The following CCDC102B variants were observed in gnomAD, a reference collection of about 807,000 sequenced individuals.
CCDC102B encodes coiled-coil domain containing 102B.
CCDC102B carries 75 observed loss-of-function variants against 57.4 expected under a neutral mutation model. That is an observed-to-expected ratio of 1.31 (90% CI 1.08 to 1.58). CCDC102B has a LOEUF of 1.58. Among genes scored for constraint, CCDC102B ranks in the 40% most tolerant of loss-of-function variants. The pLI is 0.00. For missense variants in CCDC102B, 636 were observed against 582.6 expected (o/e 1.09, Z -0.94); for synonymous variants, 206 against 201.9 (o/e 1.02, Z -0.17).
At chr18:68,958,771 T>C (rs1206467411) in intron 6 of CCDC102B, among the ~76,000 whole-genome samples, 2 of 152,152 alleles carry the variant, frequency 1.3e-5, no homozygotes, top group African/African-American at 4.8e-5. Context: ...TTTGTTCAAC[T>C]CTGCTGTTAA....
At chr18:68,835,210 T>G (rs978766329) in intron 1 of CCDC102B, among the ~76,000 whole-genome samples, 8 of 152,286 alleles carry the variant, frequency 5.3e-5, no homozygotes, top group African/African-American at 1.7e-4. Flanking sequence ...GTGTTGGTAT[T>G]TGTATGGAAA....
intron 7 of CCDC102B, among the ~76,000 whole-genome samples, chr18:69,034,506 C>A (rs1176195082): frequency 6.6e-6 from 1 of 151,824 alleles, no homozygotes; most frequent in Non-Finnish European, 1.5e-5. Context: ...TGTCAAAAAG[C>A]AATTGACCAT....
Position 68,898,282 on chromosome 18 carries a change from T to C in CCDC102B, c.1263+854T>C, listed in dbSNP as rs186025634. On this transcript the variant is annotated intron_variant, in intron 6 of 7. Coordinates refer to ENST00000360242, the MANE Select transcript of CCDC102B (RefSeq NM_024781.3). Reference sequence around the variant, plus strand: ...AGTTTTGAGATATTTAAGTCATTCATACTCACATAAGCTCTAAAACCTAAA... The same window carrying C: ...AGTTTTGAGATATTTAAGTCATTCACACTCACATAAGCTCTAAAACCTAAA... Among the ~76,000 whole-genome samples the C allele has an allele frequency of 1.6e-3, 241 of 152,248 alleles. 1 individual carries two copies. Among genetic ancestry groups the C allele is most frequent in the African/African-American group, 5.7e-3 (236 of 41,582 alleles).
intron 4 of CCDC102B, among the ~76,000 whole-genome samples, chr18:68,865,601 A>G (rs1053185328): frequency 2.6e-5 from 4 of 152,060 alleles, no homozygotes; most frequent in Admixed American, 1.3e-4. Context: ...TTCCTCTCCT[A>G]TATTACCTTC....
At chr18:68,810,147 T>C (rs2036188572) in intron 1 of CCDC102B, among the ~76,000 whole-genome samples, 1 of 152,208 alleles carries the variant, frequency 6.6e-6, no homozygotes, top group South Asian at 2.1e-4. Flanking sequence ...AGTGCATATG[T>C]ACAACAGATG....
chr18:68,913,457 A>G (rs4891716), intron 6 of CCDC102B, among the ~76,000 whole-genome samples: 140,804 of 151,566 alleles, frequency 0.93, 65,454 homozygotes, highest in East Asian at 0.98. Context: ...GACCAGCCTG[A>G]TCAACATGGT....
chr18:68,733,861 T>C (rs2033007936), intron 2 of CCDC102B, among the ~76,000 whole-genome samples: 1 of 152,164 alleles, frequency 6.6e-6, no homozygotes, highest in South Asian at 2.1e-4. Flanking sequence ...GTTCCTTTAC[T>C]GATAAAAATG....
At chr18:69,040,711 G>A (rs1296943742) in intron 7 of CCDC102B, among the ~76,000 whole-genome samples, 2 of 151,974 alleles carry the variant, frequency 1.3e-5, no homozygotes, top group East Asian at 3.9e-4. Flanking sequence ...TTGTGACTAT[G>A]TGGCTATTGA....
chr18:68,758,533 G>T (rs2034135247), intron 2 of CCDC102B, among the ~76,000 whole-genome samples: 1 of 151,958 alleles, frequency 6.6e-6, no homozygotes, highest in South Asian at 2.1e-4. Context: ...AAAGAGATAA[G>T]ACTTCCATAG....
At chr18:69,027,725 A>G (rs1296476312) in intron 7 of CCDC102B, among the ~76,000 whole-genome samples, 4 of 152,144 alleles carry the variant, frequency 2.6e-5, no homozygotes, top group Non-Finnish European at 5.9e-5. Flanking sequence ...ACAATTTCAT[A>G]GAAATATATA....
intron 1 of CCDC102B, among the ~76,000 whole-genome samples, chr18:68,815,166 G>C (rs947127028): frequency 6.6e-6 from 1 of 152,010 alleles, no homozygotes; most frequent in Admixed American, 6.6e-5. Flanking sequence ...AATTTTCTTT[G>C]ATCACAGTTC....
At chr18:68,851,715 C>A (rs1021387222) in intron 4 of CCDC102B, among the ~76,000 whole-genome samples, 2 of 151,990 alleles carry the variant, frequency 1.3e-5, no homozygotes, top group African/African-American at 2.4e-5. Context: ...AAAACACAAT[C>A]AAAAGAAAAC....
At chr18:68,875,722 T>A (rs1296444136) in intron 5 of CCDC102B, among the ~76,000 whole-genome samples, 1 of 152,054 alleles carries the variant, frequency 6.6e-6, no homozygotes, top group Non-Finnish European at 1.5e-5. Context: ...AGTCTCCAGA[T>A]TAAAATAATA....
At chr18:68,743,742 T>G (rs1256606330) in intron 2 of CCDC102B, among the ~76,000 whole-genome samples, 1 of 152,176 alleles carries the variant, frequency 6.6e-6, no homozygotes, top group Non-Finnish European at 1.5e-5. Context: ...AAGTTTGTGG[T>G]CTGAAGACAC....
chr18:68,891,392 G>C (rs2040073320), intron 5 of CCDC102B, among the ~76,000 whole-genome samples: 1 of 152,152 alleles, frequency 6.6e-6, no homozygotes, highest in African/African-American at 2.4e-5. Flanking sequence ...ATTCATGCTG[G>C]AGGATATTAT....
At chr18:68,884,202 A>T (rs1426080219) in intron 5 of CCDC102B, among the ~76,000 whole-genome samples, 1 of 152,166 alleles carries the variant, frequency 6.6e-6, no homozygotes, top group Non-Finnish European at 1.5e-5. Context: ...CCTTGTTAAG[A>T]TACAGCACTC....
chr18:68,845,384 A>C (rs2037815241), intron 3 of CCDC102B, among the ~76,000 whole-genome samples: 1 of 151,804 alleles, frequency 6.6e-6, no homozygotes, highest in African/African-American at 2.4e-5. Context: ...CAATCACAAA[A>C]TCTCAGTGTC....
intron 5 of CCDC102B, among the ~76,000 whole-genome samples, chr18:68,893,698 G>T (rs145385071): frequency 2.7e-3 from 407 of 152,210 alleles, no homozygotes; most frequent in Non-Finnish European, 3.9e-3. Context: ...ACAATTGTCA[G>T]TATCTTTTCA....
At chr18:68,750,792 C>T (rs2033815595) in intron 2 of CCDC102B, among the ~76,000 whole-genome samples, 1 of 122,212 alleles carries the variant, frequency 8.2e-6, no homozygotes, top group African/African-American at 3.3e-5. Context: ...CACACCAGGG[C>T]CTGTCGTGGG....
Sources: allele counts gnomAD v4.1 joint callset (sites outside exome capture counted in the v4.1 genomes callset), GRCh38; gene constraint gnomAD v4.1.1; transcripts MANE v1.5; gene names NCBI Gene and HGNC (gene_info 2026-07-23, HGNC 2026-07-21).